CHRM3: variants seen among roughly 807,000 people sequenced by gnomAD.
CHRM3 encodes the protein muscarinic acetylcholine receptor M3.
Under a neutral mutation model 41.8 loss-of-function variants are expected in CHRM3, and 11 were observed. The ratio of observed to expected loss-of-function variants is 0.26; its 90% CI spans 0.17 to 0.44. The LOEUF is 0.44. CHRM3 is among the 20% of genes least tolerant of loss of function. The pLI, the probability that CHRM3 is intolerant of heterozygous loss-of-function variation, is 1.00. For missense variants in CHRM3, 571 were observed against 745.4 expected (o/e 0.77, Z 2.72); for synonymous variants, 297 against 301.4 (o/e 0.99, Z 0.15).
At chr1:239,627,916 C>A (rs1258447226) in intron 3 of CHRM3, among the ~76,000 whole-genome samples, 3 of 149,704 alleles carry the variant, frequency 2.0e-5, no homozygotes, top group African/African-American at 2.5e-5. Context: ...CCCGACCATT[C>A]TCTCTGGCTG....
intron 3 of CHRM3, among the ~76,000 whole-genome samples, chr1:239,576,898 T>G (rs1662419043): frequency 6.6e-6 from 1 of 152,164 alleles, no homozygotes; most frequent in African/African-American, 2.4e-5. Flanking sequence ...CTGTGCTACC[T>G]GCAAGCACGA....
At chr1:239,601,337 TA>T (rs1665513303) in intron 3 of CHRM3, among the ~76,000 whole-genome samples, 1 of 152,156 alleles carries the variant, frequency 6.6e-6, no homozygotes, top group South Asian at 2.1e-4. Context: ...AACAAGCAAA[TA>T]ATTTTTTTGA....
chr1:239,630,139 C>T (rs561298324), intron 3 of CHRM3, among the ~76,000 whole-genome samples: 1 of 152,144 alleles, frequency 6.6e-6, no homozygotes, highest in African/African-American at 2.4e-5. Flanking sequence ...TTATTGTCTC[C>T]CAATTCATTT....
At chr1:239,690,042 G>C (rs201090459) in intron 5 of CHRM3, among the ~76,000 whole-genome samples, 22 of 113,492 alleles carry the variant, frequency 1.9e-4, no homozygotes, top group African/African-American at 8.8e-4. Flanking sequence ...CAGAGAGAGA[G>C]ACACAGAGAG....
At position 239,907,676 on chromosome 1, in the gene CHRM3, G is replaced by A. The variant is rs1424184253; in HGVS notation, c.225G>A (p.Thr75=). 4 of 1,613,976 alleles carry A rather than the reference G, an allele frequency of 2.5e-6. No homozygotes were observed. Among genetic ancestry groups the A allele is most frequent in the South Asian group, 1.1e-5 (1 of 91,080 alleles). Residue 75 remains threonine, a synonymous_variant, in exon 7 of 7, where the codon ACG becomes ACA. Coordinates refer to ENST00000676153, the MANE Select transcript of CHRM3 (RefSeq NM_001375978.1). The surrounding 1 kb of genome is among the most constrained non-coding windows in gnomAD (Gnocchi z 5.4). ...AAGTGGTCTTCATCGCTTTCTTAACGGGCATCCTGGCCTTGGTGACCATCA... is the reference window on the plus strand; with the variant it reads ...AAGTGGTCTTCATCGCTTTCTTAACAGGCATCCTGGCCTTGGTGACCATCA... ...VWQVVFIAFL[T]GILALVTIIG...
intron 1 of CHRM3, among the ~76,000 whole-genome samples, chr1:239,466,245 T>A (rs1268344913): frequency 6.6e-6 from 1 of 152,182 alleles, no homozygotes; most frequent in Non-Finnish European, 1.5e-5. Context: ...TCCACCTGCC[T>A]CGGCTTCCCA....
In CHRM3 at chr1:239,909,409, A is replaced by G; in HGVS notation, c.*185A>G. The G allele has an allele frequency of 6.4e-6, 3 of 469,652 alleles. No homozygotes were observed. Among genetic ancestry groups the G allele is most frequent in the Non-Finnish European group, 1.1e-5 (3 of 268,510 alleles). 29.1% of individuals were successfully genotyped at this position (469,652 alleles called of 1,614,324 possible). ...ATTTTAATAGAAAAAGTCAATACCA[A>G]TTCAGCAAAAAGAAAAAAAAAACAT... is the stretch of plus-strand genomic sequence containing the variant. On this transcript the variant is annotated 3_prime_UTR_variant, in exon 7 of 7. Coordinates refer to ENST00000676153, the MANE Select transcript of CHRM3 (RefSeq NM_001375978.1).
intron 2 of CHRM3, among the ~76,000 whole-genome samples, chr1:239,506,627 C>T (rs1322794961): frequency 1.3e-5 from 2 of 152,150 alleles, no homozygotes; most frequent in Admixed American, 6.5e-5. Flanking sequence ...GGGGTCAGAG[C>T]CCCCACACAG....
rs958241781 is a variant in CHRM3 at position 239,458,963 on chromosome 1, T to C, written c.-520-33746T>C. On this transcript the variant is annotated intron_variant, in intron 1 of 6. Coordinates refer to ENST00000676153, the MANE Select transcript of CHRM3 (RefSeq NM_001375978.1). ...CAGGTCTTACTTACTCTCATTATAA[T>C]GAAATGGCACATTGTATTGAACAAA... Among the ~76,000 whole-genome samples, 4 of 152,182 alleles carry C rather than the reference T, an allele frequency of 2.6e-5. No homozygotes were observed. In the East Asian group the frequency reaches 7.7e-4, roughly 29 times the overall value.
At chr1:239,709,717 A>G (rs898253742) in intron 5 of CHRM3, among the ~76,000 whole-genome samples, 1 of 152,194 alleles carries the variant, frequency 6.6e-6, no homozygotes, top group Non-Finnish European at 1.5e-5. Flanking sequence ...TCTTTAACCT[A>G]TGAGGCAATT....
chr1:239,399,058 C>A (rs1659737513), intron 1 of CHRM3, among the ~76,000 whole-genome samples: 1 of 152,104 alleles, frequency 6.6e-6, no homozygotes, highest in Admixed American at 6.5e-5. Flanking sequence ...CCCCAGGAAC[C>A]ACCATGGGCA....
At chr1:239,679,052 G>GATAA (rs1248057149) in intron 5 of CHRM3, among the ~76,000 whole-genome samples, 2 of 152,068 alleles carry the variant, frequency 1.3e-5, no homozygotes, top group East Asian at 1.9e-4. Flanking sequence ...TAGATAGATA[G>GATAA]ATAGATATAG....
chr1:239,778,876 C>T (rs1668300969), intron 5 of CHRM3, among the ~76,000 whole-genome samples: 1 of 152,090 alleles, frequency 6.6e-6, no homozygotes, highest in Admixed American at 6.6e-5. Flanking sequence ...TTTGCAATGA[C>T]CGTATAAAGT....
At chr1:239,823,470 CT>C (rs1319951057) in intron 5 of CHRM3, among the ~76,000 whole-genome samples, 4 of 152,136 alleles carry the variant, frequency 2.6e-5, no homozygotes, top group Non-Finnish European at 4.4e-5. Flanking sequence ...CCCAGCCCGG[CT>C]TATGCTGGTT....
chr1:239,496,766 T>C (rs1667915061), intron 2 of CHRM3, among the ~76,000 whole-genome samples: 1 of 152,130 alleles, frequency 6.6e-6, no homozygotes, highest in Non-Finnish European at 1.5e-5. Flanking sequence ...TTTTTAACTT[T>C]CTGCAGTTAG....
At chr1:239,717,046 T>G (rs1662447465) in intron 5 of CHRM3, among the ~76,000 whole-genome samples, 1 of 53,872 alleles carries the variant, frequency 1.9e-5, no homozygotes, top group Non-Finnish European at 6.1e-5. Context: ...TCACTTCCAG[T>G]TTTTTTTTTT....
At chr1:239,733,396 A>G (rs890900868) in intron 5 of CHRM3, among the ~76,000 whole-genome samples, 2 of 152,102 alleles carry the variant, frequency 1.3e-5, no homozygotes, top group Non-Finnish European at 2.9e-5. Context: ...AGACTTATGA[A>G]CGAAGGGAGA....
chr1:239,713,392 G>T (rs894481333), intron 5 of CHRM3, among the ~76,000 whole-genome samples: 3 of 152,050 alleles, frequency 2.0e-5, no homozygotes, highest in African/African-American at 7.2e-5. Context: ...CATCACAATT[G>T]TGCCTGGCCC....
rs1421975377 is a variant in CHRM3 at position 239,909,917 on chromosome 1, T to C, written c.*693T>C. On this transcript the variant is annotated 3_prime_UTR_variant, in exon 7 of 7. Transcript: ENST00000676153. ...TGGGAAACACTGAACTGGCAAATTA[T>C]TCCTGCAACATACGCTTTCAGTACT... is the stretch of plus-strand genomic sequence containing the variant. 1 of 167,118 alleles carries C rather than the reference T, an allele frequency of 6.0e-6. No homozygotes were observed. Among genetic ancestry groups the C allele is most frequent in the African/African-American group, 2.4e-5 (1 of 41,460 alleles). 10.4% of individuals were successfully genotyped at this position (167,118 alleles called of 1,614,324 possible). A position where few individuals can be genotyped will look rare whatever the true frequency, so the allele number is the denominator to read the frequency against.
Sources: gnomAD v4.1 joint callset for allele counts (sites outside exome capture counted in the v4.1 genomes callset) on GRCh38, gnomAD v4.1.1 for gene constraint, Gnocchi (gnomAD v3.1) non-coding constraint, MANE v1.5 for transcripts, NCBI Gene and HGNC (gene_info 2026-07-23, HGNC 2026-07-21) for gene names.